PACSIN1: variants seen among roughly 807,000 people sequenced by gnomAD.
The protein encoded by PACSIN1 is protein kinase C and casein kinase substrate in neurons 1, also known as protein kinase C and casein kinase substrate in neurons protein 1.
In PACSIN1, 15 loss-of-function variants were observed where a neutral mutation model predicts 59.5. That is an observed-to-expected ratio of 0.25 (90% confidence interval 0.17 to 0.39). PACSIN1 has a LOEUF of 0.39. Ranked by LOEUF, PACSIN1 falls within the 10% of genes least tolerant of loss-of-function variation. PACSIN1 has a pLI of 1.00. For missense variants in PACSIN1, 420 were observed against 580.2 expected, an observed-to-expected ratio of 0.72 and a Z score of 2.84; for synonymous variants, 210 against 220.6, an observed-to-expected ratio of 0.95 and a Z score of 0.42.
chr6:34,478,247 G>C (rs1241544177), intron 1 of PACSIN1, among the ~76,000 whole-genome samples: 1 of 148,646 alleles, frequency 6.7e-6, no homozygotes, highest in African/African-American at 2.5e-5. Flanking sequence ...TTTTAGTAGA[G>C]ATGGGGTTTC....
rs767708496 is a variant in PACSIN1, at chr6:34,527,481, C to A, written c.213C>A (p.Ile71=). 1 of 1,590,720 alleles carries A rather than the reference C, an allele frequency of 6.3e-7. No individual in the cohort carries two copies. The highest frequency in any genetic ancestry group is 8.5e-7 in the Non-Finnish European group (1 of 1,170,454). ...TDWAKRWRQL[I]EKGPQYGSLE... Reference sequence around the variant, plus strand: ...GGGCCAAGCGTTGGCGCCAGCTCATCGAGAAAGGTGCTCCCCCAGGCTCAC... The same window carrying A: ...GGGCCAAGCGTTGGCGCCAGCTCATAGAGAAAGGTGCTCCCCCAGGCTCAC... Residue 71 remains isoleucine, a synonymous_variant, in exon 3 of 10, where the codon ATC becomes ATA. Coordinates refer to ENST00000244458, the MANE Select transcript of PACSIN1 (RefSeq NM_020804.5).
Position 34,530,396 on chromosome 6 carries a change from G to A in PACSIN1, c.909+33G>A, listed in dbSNP as rs1767571285. ...TATGTGGGGATGGGAAGGGGAGCCT[G>A]AAGAGGCTGAAAGGTGCCTCAGGGC... On this transcript the variant is annotated intron_variant, in intron 7 of 9. Transcript: ENST00000244458. This position sits in a 1 kb window ranked among gnomAD's most constrained non-coding sequence, Gnocchi z 4.4. 1 of 1,609,872 alleles carries A rather than the reference G, an allele frequency of 6.2e-7. No individual in the cohort carries two copies. The highest frequency in any genetic ancestry group is 8.5e-7 in the Non-Finnish European group (1 of 1,177,026).
At chr6:34,492,195 C>CTTT (rs55745060) in intron 1 of PACSIN1, among the ~76,000 whole-genome samples, 1,549 of 80,018 alleles carry the variant, frequency 0.019, 13 homozygotes, top group African/African-American at 0.03. Flanking sequence ...CTTTTTTGAC[C>CTTT]TTTTTTTTTT....
At chr6:34,520,485 GGTCTGAGTCTGGCTCT>G (rs1692934486) in intron 1 of PACSIN1, among the ~76,000 whole-genome samples, 1 of 152,292 alleles carries the variant, frequency 6.6e-6, no homozygotes, top group African/African-American at 2.4e-5. Flanking sequence ...CCCACCCCTG[GGTCTGAGTCTGGCTCT>G]GCCTCCTTCC....
At chr6:34,509,749 A>G (rs1767170296) in intron 1 of PACSIN1, among the ~76,000 whole-genome samples, 1 of 152,066 alleles carries the variant, frequency 6.6e-6, no homozygotes, top group Non-Finnish European at 1.5e-5. Context: ...TCAATTTTTT[A>G]TAGTTTTCAG....
At chr6:34,520,456 A>G (rs909574539) in intron 1 of PACSIN1, among the ~76,000 whole-genome samples, 1 of 152,144 alleles carries the variant, frequency 6.6e-6, no homozygotes, top group African/African-American at 2.4e-5. Context: ...GACAGCCAGG[A>G]GCAGGGGCAG....
At position 34,531,556 on chromosome 6, in the gene PACSIN1, G is replaced by C. The variant is rs1270023601; in HGVS notation, c.1038-44G>C. On this transcript the variant is annotated intron_variant, in intron 8 of 9. Transcript: ENST00000244458. This position sits in a 1 kb window ranked among gnomAD's most constrained non-coding sequence, Gnocchi z 4.4. Reference sequence around the variant, plus strand: ...GAGGAGCGGTTAGCCCTCGGGATGCGGTACGGGGAGACATTGAAGCTGGCT... The same window carrying C: ...GAGGAGCGGTTAGCCCTCGGGATGCCGTACGGGGAGACATTGAAGCTGGCT... 1 of 1,592,298 alleles carries C rather than the reference G, an allele frequency of 6.3e-7. No individual in the cohort carries two copies. The highest frequency in any genetic ancestry group is 8.6e-7 in the Non-Finnish European group (1 of 1,164,408).
At chr6:34,466,755 C>G (rs1030374620) in intron 1 of PACSIN1, among the ~76,000 whole-genome samples, 1 of 152,150 alleles carries the variant, frequency 6.6e-6, no homozygotes, top group Non-Finnish European at 1.5e-5. Context: ...TCCCCCACAG[C>G]TGGGATGGGA....
At position 34,529,434 on chromosome 6, in the gene PACSIN1, A is replaced by G; in HGVS notation, c.494A>G (p.Lys165Arg). 6.2e-7 allele frequency: 1 copy of G among 1,614,166 alleles called. No homozygotes were observed. The highest frequency in any genetic ancestry group is 8.5e-7 in the Non-Finnish European group (1 of 1,180,034). ...AAKKAYHLAC[K>R]EEKLAMTREM... ...AAGAAGGCCTACCATTTGGCTTGCAAAGAGGAAAAGCTGGCCATGACACGG... is the reference window on the plus strand; with the variant it reads ...AAGAAGGCCTACCATTTGGCTTGCAGAGAGGAAAAGCTGGCCATGACACGG... Residue 165 changes from lysine to arginine, a missense_variant, in exon 5 of 10, where the codon AAA becomes AGA. Transcript: ENST00000244458. The surrounding 1 kb of genome is among the most constrained non-coding windows in gnomAD (Gnocchi z 6.3).
rs778245556 is a variant in PACSIN1, at chr6:34,531,691, G to C, written c.1129G>C (p.Gly377Arg). 6.2e-7 allele frequency: 1 copy of C among 1,613,604 alleles called. No individual in the cohort carries two copies. Among genetic ancestry groups the C allele is most frequent in the Non-Finnish European group, 8.5e-7 (1 of 1,179,876 alleles). The change falls in exon 9 of 10, where the codon GGC (glycine) becomes CGC (arginine). Residue 377 changes from glycine (G) to arginine (R), a missense_variant. Transcript: ENST00000244458. This position sits in a 1 kb window ranked among gnomAD's most constrained non-coding sequence, Gnocchi z 4.4. ...CTTTGGGGGCAGTGAGACCAACGGG[G>C]GCGCCAACCCCTTTGAGGACGACTC... Reference protein sequence around the residue: ...NPFGGSETNGGANPFEDDSKG... With the variant: ...NPFGGSETNGRANPFEDDSKG...
chr6:34,520,905 T>C (rs1223543548), intron 1 of PACSIN1, among the ~76,000 whole-genome samples: 1 of 152,166 alleles, frequency 6.6e-6, no homozygotes, highest in African/African-American at 2.4e-5. Context: ...GTCATCATCA[T>C]CATCGTCAAC....
At position 34,532,585 on chromosome 6, in the gene PACSIN1, C is replaced by A; in HGVS notation, c.*55C>A. 1.1e-6 allele frequency: 1 copy of A among 929,068 alleles called. No individual in the cohort carries two copies. Among genetic ancestry groups the A allele is most frequent in the South Asian group, 1.5e-5 (1 of 65,170 alleles). 57.6% of individuals were successfully genotyped at this position (929,068 alleles called of 1,614,324 possible). On this transcript the variant is annotated 3_prime_UTR_variant, in exon 10 of 10. Transcript: ENST00000244458. The surrounding 1 kb of genome is among the most constrained non-coding windows in gnomAD (Gnocchi z 5.2). ...CCTCCCCACTGCCGCCCCTCCCCTC[C>A]CACTCTCGTCTCCTTCCCCTCGCCA...
chr6:34,489,762 T>A (rs1766848061), intron 1 of PACSIN1, among the ~76,000 whole-genome samples: 1 of 152,226 alleles, frequency 6.6e-6, no homozygotes, highest in African/African-American at 2.4e-5. Flanking sequence ...GATGCCTCTT[T>A]GGGTCCCCAG....
At chr6:34,491,153 C>T (rs1766870774) in intron 1 of PACSIN1, among the ~76,000 whole-genome samples, 1 of 152,140 alleles carries the variant, frequency 6.6e-6, no homozygotes, top group African/African-American at 2.4e-5. Context: ...CAGCTTTTTC[C>T]TCTCCAGCTG....
intron 1 of PACSIN1, among the ~76,000 whole-genome samples, chr6:34,499,216 A>G (rs1000876912): frequency 1.3e-5 from 2 of 151,910 alleles, no homozygotes; most frequent in Non-Finnish European, 2.9e-5. Flanking sequence ...GATCCCTCGC[A>G]TTCACAAGTT....
rs1186657640 is a variant in PACSIN1 at position 34,516,241 on chromosome 6, G to A, written c.-63-10002G>A. Reference sequence around the variant, plus strand: ...GGGCCTGGTGCAGGGGCTGAGGAGGGGTCACATGATGGGTAGGGGCATACA... The same window carrying A: ...GGGCCTGGTGCAGGGGCTGAGGAGGAGTCACATGATGGGTAGGGGCATACA... On this transcript the variant is annotated intron_variant, in intron 1 of 9. Transcript: ENST00000244458. This position sits in a 1 kb window ranked among gnomAD's most constrained non-coding sequence, Gnocchi z 5.4. Among the ~76,000 whole-genome samples, 3 of 152,264 alleles carry A rather than the reference G, an allele frequency of 2.0e-5. No individual in the cohort carries two copies. Among genetic ancestry groups the A allele is most frequent in the African/African-American group, 2.4e-5 (1 of 41,540 alleles).
intron 1 of PACSIN1, among the ~76,000 whole-genome samples, chr6:34,517,060 C>T (rs1370991192): frequency 6.6e-6 from 1 of 152,180 alleles, no homozygotes. Context: ...GGCTCCAGAA[C>T]TGAGCTCCCA....
chr6:34,498,644 A>G (rs1301552285), intron 1 of PACSIN1, among the ~76,000 whole-genome samples: 1 of 151,814 alleles, frequency 6.6e-6, no homozygotes, highest in African/African-American at 2.4e-5. Flanking sequence ...CTAAATACAC[A>G]AAAAAATTAG....
rs149094256 is a variant in PACSIN1, at chr6:34,531,687, C to G, written c.1125C>G (p.Asn375Lys). 1 of 1,613,600 alleles carries G rather than the reference C, an allele frequency of 6.2e-7. No individual in the cohort carries two copies. The highest frequency in any genetic ancestry group is 8.5e-7 in the Non-Finnish European group (1 of 1,179,850). The change falls in exon 9 of 10, where the codon AAC becomes AAG. Residue 375 changes from asparagine to lysine, a missense_variant. Asn to Lys is a moderately conservative substitution (Grantham distance 94, BLOSUM62 0). Coordinates refer to ENST00000244458, the MANE Select transcript of PACSIN1 (RefSeq NM_020804.5). This position sits in a 1 kb window ranked among gnomAD's most constrained non-coding sequence, Gnocchi z 4.4. The part of the protein sequence containing the change: ...SGNPFGGSET[N>K]GGANPFEDDS... ...ACCCCTTTGGGGGCAGTGAGACCAACGGGGGCGCCAACCCCTTTGAGGACG... is the reference window on the plus strand; with the variant it reads ...ACCCCTTTGGGGGCAGTGAGACCAAGGGGGGCGCCAACCCCTTTGAGGACG...
Sources: allele counts gnomAD v4.1 joint callset (sites outside exome capture counted in the v4.1 genomes callset), GRCh38; gene constraint gnomAD v4.1.1; non-coding constraint Gnocchi (gnomAD v3.1); transcripts MANE v1.5; gene names NCBI Gene and HGNC (gene_info 2026-07-23, HGNC 2026-07-21).